Variants in TIAM1 observed in about 807,000 individuals in gnomAD.
The protein encoded by TIAM1 is TIAM Rac1 associated GEF 1, also known as rho guanine nucleotide exchange factor TIAM1.
TIAM1 carries 65 observed loss-of-function variants against 163.5 expected under a neutral mutation model. The ratio of observed to expected loss-of-function variants is 0.40; its 90% CI spans 0.33 to 0.49. TIAM1 has a LOEUF of 0.49. Ranked by LOEUF, TIAM1 falls within the 20% of genes least tolerant of loss-of-function variation. The probability of loss-of-function intolerance (pLI) is 0.77; values close to 1 mark genes in which losing one functional copy is unlikely to be tolerated. For missense variants in TIAM1, 1,789 were observed against 2,044.7 expected (o/e 0.87, Z 2.41); for synonymous variants, 833 against 810.1 (o/e 1.03, Z -0.48).
chr21:31,474,142 A>G (rs146049791), intron 1 of TIAM1, among the ~76,000 whole-genome samples: 9 of 152,284 alleles, frequency 5.9e-5, no homozygotes, highest in Non-Finnish European at 1.0e-4. Flanking sequence ...ACTCATCACC[A>G]TGGGGATGGC....
intron 19 of TIAM1, 26 bp from the exon 20 acceptor site, chr21:31,147,029 T>C (rs1290193263): frequency 5.6e-6 from 9 of 1,600,378 alleles, no homozygotes; most frequent in South Asian, 2.2e-5. Flanking sequence ...AAAGGCACAG[T>C]TGGTTGTTTC....
At position 31,153,124 on chromosome 21, in the gene TIAM1, C is replaced by T; in HGVS notation, c.3182G>A (p.Cys1061Tyr). 1.2e-6 allele frequency: 2 copies of T among 1,610,220 alleles called. No homozygotes were observed. Among genetic ancestry groups the T allele is most frequent in the South Asian group, 2.2e-5 (2 of 89,700 alleles). ...TERTYVKDLN[C>Y]LMERYLKPLQ... ...AGGCTTTAGGTATCTCTCCATAAGA[C>T]AGTTTAAATCCTAAGAATTGAAAAG... Residue 1061 changes from cysteine (C) to tyrosine (Y), a missense_variant, in exon 18 of 28, where the codon TGT (cysteine) becomes TAT (tyrosine). Coordinates refer to ENST00000541036, the MANE Select transcript of TIAM1 (RefSeq NM_001353694.2).
intron 1 of TIAM1, among the ~76,000 whole-genome samples, chr21:31,339,639 G>C (rs13047581): frequency 6.6e-6 from 1 of 152,158 alleles, no homozygotes; most frequent in Non-Finnish European, 1.5e-5. Context: ...TAGCTTTGTA[G>C]AAAGCACCTT....
chr21:31,339,979 T>A (rs1461767839), intron 1 of TIAM1, among the ~76,000 whole-genome samples: 3 of 152,072 alleles, frequency 2.0e-5, no homozygotes, highest in Non-Finnish European at 4.4e-5. Flanking sequence ...CACTGGGTCA[T>A]AGTGGGCAGG....
In TIAM1 at chr21:31,323,275, G is replaced by A. The variant is rs184321231; in HGVS notation, c.-189+15968C>T. Among the ~76,000 whole-genome samples, 446 of 149,342 alleles carry A rather than the reference G, an allele frequency of 3.0e-3. 6 individuals carry two copies. The highest frequency in any genetic ancestry group is 0.027 in the Admixed American group (405 of 15,036). ...TGTACTCCAGCCTGGGCAACAGAGC[G>A]AGACTTTGATTCAAAAAAAAAAAAA... On this transcript the variant is annotated intron_variant, in intron 2 of 27. Transcript: ENST00000541036.
intron 6 of TIAM1, among the ~76,000 whole-genome samples, chr21:31,237,477 C>G (rs1390657395): frequency 2.6e-5 from 4 of 152,164 alleles, no homozygotes; most frequent in Non-Finnish European, 4.4e-5. Flanking sequence ...GCCCATGGAA[C>G]TAGTCTTTTT....
intron 1 of TIAM1, among the ~76,000 whole-genome samples, chr21:31,518,187 A>G (rs576450820): frequency 6.6e-6 from 1 of 152,280 alleles, no homozygotes; most frequent in Admixed American, 6.5e-5. Flanking sequence ...CTTGGGTATG[A>G]GCATAGCCCT....
At chr21:31,224,148 C>T (rs2087790115) in intron 7 of TIAM1, among the ~76,000 whole-genome samples, 1 of 152,142 alleles carries the variant, frequency 6.6e-6, no homozygotes, top group Non-Finnish European at 1.5e-5. Context: ...TAATAACTAC[C>T]TCCTTAGGCT....
intron 1 of TIAM1, among the ~76,000 whole-genome samples, chr21:31,536,931 G>A (rs1353429205): frequency 6.6e-6 from 1 of 152,218 alleles, no homozygotes; most frequent in African/African-American, 2.4e-5. Flanking sequence ...GACGTTGATT[G>A]TCACAGTTCT....
rs2088356552 is a variant in TIAM1, at chr21:31,230,622, T to G, written c.1585-4672A>C. 3.9e-5 allele frequency among the ~76,000 whole-genome samples: 6 copies of G among 152,128 alleles called. No individual in the cohort carries two copies. In the South Asian group the frequency reaches 1.2e-3, roughly 32 times the overall value. On this transcript the variant is annotated intron_variant, in intron 6 of 27. Transcript: ENST00000541036. ...TCACTGCCACCTCCGCCTCCTGGGT[T>G]CAAGTGGTTCTCCTGCCTCAGCCTC...
At chr21:31,170,834 G>A (rs1296084612) in intron 15 of TIAM1, among the ~76,000 whole-genome samples, 17 of 151,696 alleles carry the variant, frequency 1.1e-4, no homozygotes, top group Non-Finnish European at 2.9e-5. Flanking sequence ...TCAGGAGTTC[G>A]AGACCAGCCT....
chr21:31,205,499 G>A (rs1484610209), intron 11 of TIAM1, among the ~76,000 whole-genome samples: 2 of 152,188 alleles, frequency 1.3e-5, no homozygotes. Flanking sequence ...CCACTGTCAG[G>A]CACAAATAGC....
At chr21:31,347,496 C>T (rs1446752314), upstream of TIAM1, among the ~76,000 whole-genome samples, 1 of 152,232 alleles carries the variant, frequency 6.6e-6, no homozygotes, top group East Asian at 1.9e-4. Flanking sequence ...CTGAAAGCCA[C>T]TCGTTTTGCT....
rs1465398423 is a variant in TIAM1 at position 31,372,912 on chromosome 21, AGGCGTGGT to A, written c.-368-33498_-368-33491del. ...CTCTACTAAAAATACAAAATTAGCC[AGGCGTGGT>A]GGCGCATGCCTGTAATAGCAGCTAC... On this transcript the variant is annotated intron_variant, in intron 2 of 28. Transcript: ENST00000286827. Among the ~76,000 whole-genome samples, 5 of 152,110 alleles carry A rather than the reference AGGCGTGGT, an allele frequency of 3.3e-5. No individual in the cohort carries two copies. In the East Asian group the frequency reaches 9.7e-4, roughly 29 times the overall value.
intron 1 of TIAM1, among the ~76,000 whole-genome samples, chr21:31,497,797 C>T (rs1203995640): frequency 3.9e-5 from 6 of 152,188 alleles, no homozygotes; most frequent in Non-Finnish European, 8.8e-5. Context: ...CAGATGTCAC[C>T]TCATGAGCCA....
chr21:31,535,654 T>C (rs1193946778), intron 1 of TIAM1, among the ~76,000 whole-genome samples: 1 of 152,074 alleles, frequency 6.6e-6, no homozygotes, highest in African/African-American at 2.4e-5. Context: ...TCTACCTGGT[T>C]CTCTATCTAG....
At chr21:31,295,861 G>A (rs1368890295) in intron 2 of TIAM1, among the ~76,000 whole-genome samples, 2 of 152,144 alleles carry the variant, frequency 1.3e-5, no homozygotes, top group East Asian at 1.9e-4. Flanking sequence ...GCAGTGGAGC[G>A]ATGTTGGCTC....
intron 2 of TIAM1, among the ~76,000 whole-genome samples, chr21:31,409,719 T>TG (rs11419619): frequency 1 from 152,296 of 152,296 alleles, 76,148 homozygotes; most frequent in Non-Finnish European, 1. Flanking sequence ...TCTCCTCCAG[T>TG]GCCTTGCGGC....
At chr21:31,381,019 AC>A (rs1204970362) in intron 2 of TIAM1, among the ~76,000 whole-genome samples, 2 of 152,240 alleles carry the variant, frequency 1.3e-5, no homozygotes, top group African/African-American at 4.8e-5. Flanking sequence ...CAGCACTCAA[AC>A]AGTAACTTTA....
Sources: allele counts gnomAD v4.1 joint callset (sites outside exome capture counted in the v4.1 genomes callset), GRCh38; gene constraint gnomAD v4.1.1; transcripts MANE v1.5; gene names NCBI Gene and HGNC (gene_info 2026-07-23, HGNC 2026-07-21).